The following TMOD3 variants were observed in gnomAD, a reference collection of about 807,000 sequenced individuals.
The protein encoded by TMOD3 is tropomodulin 3.
A neutral mutation model predicts 39.2 loss-of-function variants in TMOD3; 20 were observed. That is an observed-to-expected ratio of 0.51 (90% CI 0.36 to 0.74). TMOD3 has a LOEUF of 0.74. Among genes scored for constraint, TMOD3 ranks in the 30% least tolerant of loss-of-function variants. TMOD3 has a pLI of 0.00. For synonymous variants in TMOD3, 143 were observed against 145.8 expected, an observed-to-expected ratio of 0.98 and a Z score of 0.14; for missense variants, 381 against 412.8, an observed-to-expected ratio of 0.92 and a Z score of 0.67.
At chr15:51,891,225 C>G (rs1270186938) in intron 5 of TMOD3, among the ~76,000 whole-genome samples, 1 of 149,550 alleles carries the variant, frequency 6.7e-6, no homozygotes, top group Non-Finnish European at 1.5e-5. Context: ...CTTAACAGTT[C>G]TCCTCCCCAA....
Position 51,909,627 on chromosome 15 carries a change from C to G in TMOD3, c.*817C>G, listed in dbSNP as rs937126884. 5.3e-5 allele frequency: 8 copies of G among 152,322 alleles called. No homozygotes were observed. The highest frequency in any genetic ancestry group is 1.9e-4 in the African/African-American group (8 of 41,350). 9.4% of individuals were successfully genotyped at this position (152,322 alleles called of 1,614,324 possible). ...CCCCAAAAAAGGCGTACAGCCAACT[C>G]TTAGTTATTTAGGGTAAGAGAAAAA... On this transcript the variant is annotated 3_prime_UTR_variant, in exon 10 of 10. Coordinates refer to ENST00000308580, the MANE Select transcript of TMOD3 (RefSeq NM_014547.5).
intron 1 of TMOD3, among the ~76,000 whole-genome samples, chr15:51,858,906 C>T (rs2056401921): frequency 1.3e-5 from 2 of 152,130 alleles, no homozygotes; most frequent in Non-Finnish European, 2.9e-5. Context: ...GCATGGTGTC[C>T]TGCGCCTATA....
At chr15:51,853,500 CT>C (rs1238218103) in intron 1 of TMOD3, among the ~76,000 whole-genome samples, 1 of 152,140 alleles carries the variant, frequency 6.6e-6, no homozygotes, top group Non-Finnish European at 1.5e-5. Flanking sequence ...TGCACCTGGA[CT>C]TTCTTTAGTT....
intron 4 of TMOD3, among the ~76,000 whole-genome samples, chr15:51,888,656 A>T (rs2056577610): frequency 6.6e-6 from 1 of 152,242 alleles, no homozygotes; most frequent in African/African-American, 2.4e-5. Context: ...AGATTAACAC[A>T]CATTAAAATA....
chr15:51,884,731 A>G (rs552377535), intron 3 of TMOD3: 3 of 152,188 alleles, frequency 2.0e-5, no homozygotes, highest in Admixed American at 6.5e-5. Flanking sequence ...ACTTGGTGCT[A>G]TAAAGGTCAT....
At chr15:51,877,142 G>A (rs905770619) in intron 3 of TMOD3, among the ~76,000 whole-genome samples, 5 of 152,216 alleles carry the variant, frequency 3.3e-5, no homozygotes, top group Non-Finnish European at 1.5e-5. Context: ...AATTTTTAAT[G>A]TCCTTACTTG....
At chr15:51,902,062 C>T in intron 9 of TMOD3, 26 bp downstream of exon 9, 1 of 1,610,172 alleles carries the variant, frequency 6.2e-7, no homozygotes, top group Non-Finnish European at 8.5e-7. Flanking sequence ...GATCAAGTTT[C>T]TGAGTTCTAT....
intron 5 of TMOD3, among the ~76,000 whole-genome samples, chr15:51,890,093 T>C (rs2056584649): frequency 6.6e-6 from 1 of 152,108 alleles, no homozygotes; most frequent in African/African-American, 2.4e-5. Context: ...ACATAGTCTC[T>C]TATTTTTTAC....
chr15:51,887,241 G>T (rs2056569321), intron 3 of TMOD3, among the ~76,000 whole-genome samples: 1 of 131,176 alleles, frequency 7.6e-6, no homozygotes, highest in Non-Finnish European at 1.7e-5. Context: ...AAAGGAAATT[G>T]GATTCTGTTT....
Position 51,911,592 on chromosome 15 carries a change from T to G in TMOD3, c.*2782T>G, listed in dbSNP as rs1284683645. ...TTAAGCCAAAGGTTTTCTGAGACCTTAGGTTTTGTAGTCTAACCAGCTTAT... is the reference window on the plus strand; with the variant it reads ...TTAAGCCAAAGGTTTTCTGAGACCTGAGGTTTTGTAGTCTAACCAGCTTAT... On this transcript the variant is annotated 3_prime_UTR_variant, in exon 10 of 10. Transcript: ENST00000308580. The G allele has an allele frequency of 1.3e-5, 2 of 152,190 alleles. No homozygotes were observed. The highest frequency in any genetic ancestry group is 1.3e-4 in the Admixed American group (2 of 15,272). 9.4% of individuals were successfully genotyped at this position (152,190 alleles called of 1,614,324 possible). A position where few individuals can be genotyped will look rare whatever the true frequency, so the allele number is the denominator to read the frequency against.
chr15:51,887,248 G>GT lies in TMOD3; in HGVS notation c.284-327dup, dbSNP rs35778880. Reference sequence around the variant, plus strand: ...AAAAAAAAAAAGGAAATTGGATTCTGTTTTTTTTTTTTTTAATCTCTTTAA... The same window carrying GT: ...AAAAAAAAAAAGGAAATTGGATTCTGTTTTTTTTTTTTTTTAATCTCTTTAA... On this transcript the variant is annotated intron_variant, in intron 3 of 9. Coordinates refer to ENST00000308580, the MANE Select transcript of TMOD3 (RefSeq NM_014547.5). 2.5e-3 allele frequency among the ~76,000 whole-genome samples: 350 copies of GT among 137,616 alleles called. 1 individual carries two copies. The highest frequency in any genetic ancestry group is 0.021 in the East Asian group (102 of 4,752). The allele number at this position is 137,616 out of a possible 152,430, so 90.3% of individuals were successfully genotyped here.
intron 8 of TMOD3, among the ~76,000 whole-genome samples, 181 bp from the exon 9 acceptor site, chr15:51,901,711 A>G (rs1209794571): frequency 1.3e-5 from 2 of 152,018 alleles, no homozygotes; most frequent in Admixed American, 1.3e-4. Context: ...GTTTTCTACA[A>G]CAAACAATTT....
At chr15:51,836,321 C>A (rs531041740) in intron 1 of TMOD3, among the ~76,000 whole-genome samples, 1 of 152,282 alleles carries the variant, frequency 6.6e-6, no homozygotes, top group Admixed American at 6.5e-5. Context: ...TGGTCTCCCC[C>A]ACCCAGCCCT....
At chr15:51,841,825 G>A (rs1376755601) in intron 1 of TMOD3, among the ~76,000 whole-genome samples, 3 of 151,944 alleles carry the variant, frequency 2.0e-5, no homozygotes, top group Non-Finnish European at 2.9e-5. Context: ...GCTGGAGTGC[G>A]GTGGCACGAT....
intron 3 of TMOD3, among the ~76,000 whole-genome samples, chr15:51,869,765 A>C: frequency 6.6e-6 from 1 of 152,236 alleles, no homozygotes; most frequent in East Asian, 1.9e-4. Context: ...ATATTTTCAA[A>C]GACCCTTTTA....
intron 1 of TMOD3, among the ~76,000 whole-genome samples, chr15:51,846,684 A>G (rs1445772273): frequency 6.6e-6 from 1 of 152,214 alleles, no homozygotes; most frequent in Non-Finnish European, 1.5e-5. Flanking sequence ...ACTTCATATC[A>G]TATTTGGTTT....
At chr15:51,864,275 A>G (rs566232063) in intron 2 of TMOD3, among the ~76,000 whole-genome samples, 3 of 151,760 alleles carry the variant, frequency 2.0e-5, no homozygotes, top group Admixed American at 1.3e-4. Context: ...AAAAAAAAAA[A>G]AAAAAAAACT....
intron 7 of TMOD3, 59 bp downstream of exon 7, chr15:51,896,585 T>C: frequency 7.9e-7 from 1 of 1,259,750 alleles, no homozygotes; most frequent in Non-Finnish European, 1.1e-6. Context: ...GTTACAGTGG[T>C]GATTTTTATG....
At chr15:51,860,969 A>G (rs1249649534) in intron 1 of TMOD3, 1 of 527,276 alleles carries the variant, frequency 1.9e-6, no homozygotes, top group South Asian at 1.5e-5. Context: ...AGGAGAGCCA[A>G]AGTTGAACAT....
Sources: allele counts gnomAD v4.1 joint callset (sites outside exome capture counted in the v4.1 genomes callset), GRCh38; gene constraint gnomAD v4.1.1; transcripts MANE v1.5; gene names NCBI Gene and HGNC (gene_info 2026-07-23, HGNC 2026-07-21).